KCNH7: variants seen among roughly 807,000 people sequenced by gnomAD.
KCNH7 encodes the protein potassium voltage-gated channel subfamily H member 7.
A neutral mutation model predicts 120.8 loss-of-function variants in KCNH7; 49 were observed. The ratio of observed to expected loss-of-function variants is 0.41; its 90% CI spans 0.32 to 0.51. The LOEUF is 0.51. Among genes scored for constraint, KCNH7 ranks in the 20% least tolerant of loss-of-function variants. KCNH7 has a pLI of 0.38. For missense variants in KCNH7, 1,097 were observed against 1,446.6 expected, an observed-to-expected ratio of 0.76 and a Z score of 3.92; for synonymous variants, 547 against 516.1, an observed-to-expected ratio of 1.06 and a Z score of -0.81.
intron 14 of KCNH7, among the ~76,000 whole-genome samples, chr2:162,377,164 T>C (rs879305847): frequency 4.6e-5 from 7 of 152,132 alleles, no homozygotes; most frequent in Non-Finnish European, 8.8e-5. Flanking sequence ...TCAAATTTTT[T>C]TGTATACATG....
chr2:162,703,063 T>A (rs114307588), intron 2 of KCNH7, among the ~76,000 whole-genome samples: 3,048 of 152,290 alleles, frequency 0.02, 106 homozygotes, highest in African/African-American at 0.069. Context: ...CAGGGTTGAA[T>A]AAACGATTTA....
chr2:162,505,647 C>T (rs1285082879), intron 5 of KCNH7, among the ~76,000 whole-genome samples: 6 of 151,760 alleles, frequency 4.0e-5, no homozygotes, highest in Non-Finnish European at 7.4e-5. Flanking sequence ...AGCAATATTA[C>T]GTACACTGTT....
intron 6 of KCNH7, among the ~76,000 whole-genome samples, chr2:162,472,999 C>A (rs1235435198): frequency 6.6e-6 from 1 of 151,966 alleles, no homozygotes; most frequent in Non-Finnish European, 1.5e-5. Context: ...TATGTCCTCA[C>A]TCATAGGTGG....
At chr2:162,722,817 T>TTTTC (rs1553517931) in intron 2 of KCNH7, among the ~76,000 whole-genome samples, 1 of 144,752 alleles carries the variant, frequency 6.9e-6, no homozygotes, top group African/African-American at 2.6e-5. Context: ...TTTTTTCTTT[T>TTTTC]TTTTTTTTTT....
intron 2 of KCNH7, among the ~76,000 whole-genome samples, chr2:162,702,763 T>C (rs900808488): frequency 6.6e-6 from 1 of 152,174 alleles, no homozygotes; most frequent in African/African-American, 2.4e-5. Flanking sequence ...CTCCTAACTC[T>C]TGATTTTATC....
At chr2:162,383,567 G>A (rs1251497727) in intron 13 of KCNH7, among the ~76,000 whole-genome samples, 1 of 151,798 alleles carries the variant, frequency 6.6e-6, no homozygotes, top group Non-Finnish European at 1.5e-5. Context: ...AGCTGAATAT[G>A]GTACTTGGGA....
At chr2:162,416,820 T>C (rs575147463) in intron 9 of KCNH7, among the ~76,000 whole-genome samples, 18 of 152,220 alleles carry the variant, frequency 1.2e-4, no homozygotes, top group African/African-American at 4.3e-4. Context: ...AGAGTTATGC[T>C]GGGGGTGGCT....
chr2:162,692,229 A>G (rs13422073), intron 2 of KCNH7, among the ~76,000 whole-genome samples: 25,808 of 151,466 alleles, frequency 0.17, 2,548 homozygotes, highest in East Asian at 0.46. Flanking sequence ...GGGTTCAAGC[A>G]ATTCTTGTGC....
At chr2:162,555,510 C>A (rs894972736) in intron 2 of KCNH7, among the ~76,000 whole-genome samples, 3 of 152,120 alleles carry the variant, frequency 2.0e-5, no homozygotes, top group African/African-American at 7.2e-5. Flanking sequence ...ATCCTTTATG[C>A]AAAATCTGTC....
chr2:162,460,093 C>CAA (rs575038181), intron 6 of KCNH7, among the ~76,000 whole-genome samples: 30 of 47,758 alleles, frequency 6.3e-4, no homozygotes, highest in Non-Finnish European at 1.2e-3. Context: ...GACTCCATCT[C>CAA]AAAAAAAAAA....
At chr2:162,498,857 C>T (rs1690584570) in intron 6 of KCNH7, among the ~76,000 whole-genome samples, 1 of 152,096 alleles carries the variant, frequency 6.6e-6, no homozygotes, top group African/African-American at 2.4e-5. Context: ...GAGAATGTCA[C>T]TAGTTACACA....
At position 162,767,670 on chromosome 2, in the gene KCNH7, C is replaced by T. The variant is rs529850723; in HGVS notation, c.307+68867G>A. 1.8e-4 allele frequency among the ~76,000 whole-genome samples: 28 copies of T among 152,136 alleles called. No homozygotes were observed. The South Asian group carries it at 5.8e-3, about 32-fold the overall frequency. ...TACAGAAGGCTGTTTTTATTATATA[C>T]TATAACTGCATAAATAAGTGGGCCG... On this transcript the variant is annotated intron_variant, in intron 2 of 15. Coordinates refer to ENST00000332142, the MANE Select transcript of KCNH7 (RefSeq NM_033272.4).
intron 2 of KCNH7, among the ~76,000 whole-genome samples, chr2:162,647,030 G>A (rs1684383773): frequency 6.6e-6 from 1 of 152,166 alleles, no homozygotes; most frequent in Admixed American, 6.5e-5. Context: ...TACAGACTTT[G>A]TCTAAAGTCG....
At chr2:162,641,663 T>C (rs1284553865) in intron 2 of KCNH7, among the ~76,000 whole-genome samples, 1 of 152,070 alleles carries the variant, frequency 6.6e-6, no homozygotes, top group Non-Finnish European at 1.5e-5. Flanking sequence ...AAGGAAGGGG[T>C]TGGGAAGTGA....
rs1559115994 is a variant in KCNH7 at position 162,752,900 on chromosome 2, C to CAGAAAAA, written c.307+83630_307+83636dup. Among the ~76,000 whole-genome samples the CAGAAAAA allele has an allele frequency of 3.3e-3, 23 of 6,918 alleles. 3 individuals carry two copies. In the Non-Finnish European group the frequency reaches 0.047, roughly 14 times the overall value. The allele number at this position is 6,918 out of a possible 152,430, so 4.5% of individuals were successfully genotyped here. ...TGGGCAAAAGAGCAAGACTACATCT[C>CAGAAAAA]AGAAAAAGAAAAGAAAAGAAAAGAA... On this transcript the variant is annotated intron_variant, in intron 2 of 15. Transcript: ENST00000332142.
At chr2:162,688,317 C>T (rs1240511305) in intron 2 of KCNH7, among the ~76,000 whole-genome samples, 2 of 152,050 alleles carry the variant, frequency 1.3e-5, no homozygotes, top group African/African-American at 4.8e-5. Flanking sequence ...AATTTTAGGA[C>T]ACAGATTCAT....
chr2:162,655,451 C>T (rs1684716986), intron 2 of KCNH7, among the ~76,000 whole-genome samples: 1 of 152,110 alleles, frequency 6.6e-6, no homozygotes, highest in African/African-American at 2.4e-5. Flanking sequence ...CAATCTAAAG[C>T]TTCATCTGCA....
At chr2:162,437,187 G>A (rs1224164338) in intron 7 of KCNH7, among the ~76,000 whole-genome samples, 1 of 152,136 alleles carries the variant, frequency 6.6e-6, no homozygotes, top group East Asian at 1.9e-4. Context: ...CAATCACAAG[G>A]GAAAGGGGAT....
chr2:162,665,142 A>T (rs1333084875), intron 2 of KCNH7, among the ~76,000 whole-genome samples: 1 of 152,160 alleles, frequency 6.6e-6, no homozygotes, highest in Non-Finnish European at 1.5e-5. Flanking sequence ...TTTGATATGT[A>T]TTCTGAACTT....
Sources: allele counts gnomAD v4.1 joint callset (sites outside exome capture counted in the v4.1 genomes callset), GRCh38; gene constraint gnomAD v4.1.1; transcripts MANE v1.5; gene names NCBI Gene and HGNC (gene_info 2026-07-23, HGNC 2026-07-21).